Variants in HSD17B7 observed in about 807,000 individuals in gnomAD.
The protein encoded by HSD17B7 is hydroxysteroid 17-beta dehydrogenase 7.
A neutral mutation model predicts 34.1 loss-of-function variants in HSD17B7; 17 were observed. The observed-to-expected ratio is 0.50, with a 90% CI of 0.34 to 0.75. The LOEUF (loss-of-function observed/expected upper bound fraction) is 0.75. HSD17B7 is among the 30% of genes least tolerant of loss of function. The probability of loss-of-function intolerance (pLI) is 0.01; values close to 1 mark genes in which losing one functional copy is unlikely to be tolerated. For synonymous variants in HSD17B7, 122 were observed against 154.6 expected, an observed-to-expected ratio of 0.79 and a Z score of 1.56; for missense variants, 296 against 406.6, an observed-to-expected ratio of 0.73 and a Z score of 2.34.
At chr1:162,805,902 C>T (rs185566264) in intron 8 of HSD17B7, among the ~76,000 whole-genome samples, 1 of 152,304 alleles carries the variant, frequency 6.6e-6, no homozygotes, top group East Asian at 1.9e-4. Flanking sequence ...AGCAGGCTGC[C>T]TTACACATGG....
chr1:162,796,261 A>G (rs568420720), intron 2 of HSD17B7, among the ~76,000 whole-genome samples: 1 of 152,096 alleles, frequency 6.6e-6, no homozygotes, highest in East Asian at 1.9e-4. Flanking sequence ...TTCCTTATTG[A>G]GAGGACAGAG....
At chr1:162,809,029 G>A (rs909838312) in intron 8 of HSD17B7, among the ~76,000 whole-genome samples, 1 of 152,126 alleles carries the variant, frequency 6.6e-6, no homozygotes, top group African/African-American at 2.4e-5. Context: ...GAGAGAGAGG[G>A]CATCCCTGTC....
At chr1:162,797,182 A>G (rs1648640256) in intron 3 of HSD17B7, 1 of 159,870 alleles carries the variant, frequency 6.3e-6, no homozygotes, top group Non-Finnish European at 1.4e-5. Context: ...TTACTTTGTG[A>G]CCCAATACAC....
At chr1:162,808,234 C>A (rs1332508265) in intron 8 of HSD17B7, among the ~76,000 whole-genome samples, 2 of 152,094 alleles carry the variant, frequency 1.3e-5, no homozygotes, top group East Asian at 3.8e-4. Context: ...AATCCTTTCC[C>A]CATTTCTTGT....
intron 8 of HSD17B7, among the ~76,000 whole-genome samples, chr1:162,807,651 T>G (rs1649030532): frequency 6.6e-6 from 1 of 152,204 alleles, no homozygotes; most frequent in African/African-American, 2.4e-5. Flanking sequence ...TCCTGACTTT[T>G]TAATGATCGC....
At chr1:162,795,788 G>C (rs1648580731) in intron 2 of HSD17B7, 1 of 398,040 alleles carries the variant, frequency 2.5e-6, no homozygotes, top group Non-Finnish European at 5.1e-6. Flanking sequence ...TGAGTATCAT[G>C]AGAGCAGGCT....
chr1:162,799,009 A>T lies in HSD17B7; in HGVS notation c.448-734A>T, dbSNP rs1337418145. On this transcript the variant is annotated intron_variant, in intron 4 of 8. Coordinates refer to ENST00000254521, the MANE Select transcript of HSD17B7 (RefSeq NM_016371.4). ...AACTCCGTCTCAAAAAAAAAAAAAA[A>T]AGAGAAAAAGAAAGAAAGTTACTAT... 3 of 180,192 alleles carry T rather than the reference A, an allele frequency of 1.7e-5. No homozygotes were observed. In the Admixed American group the frequency reaches 1.9e-4, roughly 12 times the overall value. 11.2% of individuals were successfully genotyped at this position (180,192 alleles called of 1,614,324 possible). A position where few individuals can be genotyped will look rare whatever the true frequency, so the allele number is the denominator to read the frequency against.
intron 6 of HSD17B7, 151 bp from the exon 7 acceptor site, chr1:162,804,116 T>C (rs574540470): frequency 1.0e-5 from 6 of 571,648 alleles, no homozygotes; most frequent in South Asian, 1.0e-4. Flanking sequence ...GGAGATTAAA[T>C]GATGTTTCTT....
chr1:162,801,276 G>A (rs942632254), intron 5 of HSD17B7, among the ~76,000 whole-genome samples: 1 of 152,158 alleles, frequency 6.6e-6, no homozygotes, highest in Non-Finnish European at 1.5e-5. Flanking sequence ...CCTGAATCAT[G>A]CCTCTTATAA....
chr1:162,795,804 T>A, intron 2 of HSD17B7: 1 of 355,558 alleles, frequency 2.8e-6, no homozygotes, highest in Non-Finnish European at 5.6e-6. Flanking sequence ...AGGCTTTACC[T>A]GCCTTGAACC....
chr1:162,803,816 T>A (rs1050571979), intron 6 of HSD17B7, among the ~76,000 whole-genome samples: 1 of 152,234 alleles, frequency 6.6e-6, no homozygotes, highest in Non-Finnish European at 1.5e-5. Flanking sequence ...AAACCCATGT[T>A]GAACATTGTT....
intron 4 of HSD17B7, 59 bp from the exon 5 acceptor site, chr1:162,799,684 A>G (rs1648739532): frequency 7.0e-7 from 1 of 1,420,430 alleles, no homozygotes; most frequent in Non-Finnish European, 9.7e-7. Flanking sequence ...AGTGGTTTCA[A>G]AATTTTTATC....
At chr1:162,796,485 T>C (rs1302970495) in intron 2 of HSD17B7, 100 bp from the exon 3 acceptor site, 2 of 684,610 alleles carry the variant, frequency 2.9e-6, no homozygotes, top group Admixed American at 2.4e-5. Flanking sequence ...TTGTCTTTCT[T>C]AGGCCTCCTT....
intron 5 of HSD17B7, chr1:162,802,988 C>CT (rs1163245185): frequency 6.5e-6 from 1 of 154,766 alleles, no homozygotes; most frequent in Admixed American, 6.4e-5. Context: ...CAGACACATA[C>CT]TTTAGGTTTA....
chr1:162,811,267 A>G (rs1160085701), intron 8 of HSD17B7, among the ~76,000 whole-genome samples: 1 of 152,218 alleles, frequency 6.6e-6, no homozygotes, highest in East Asian at 1.9e-4. Flanking sequence ...AAGAATGTTG[A>G]ATATCGGCCC....
chr1:162,795,316 A>G (rs113893140), intron 2 of HSD17B7, among the ~76,000 whole-genome samples: 11,171 of 152,302 alleles, frequency 0.073, 439 homozygotes, highest in African/African-American at 0.1. Flanking sequence ...GATGAAAACT[A>G]GTAAGAAATA....
At chr1:162,804,180 A>G (rs1251253290) in intron 6 of HSD17B7, 87 bp from the exon 7 acceptor site, 1 of 877,342 alleles carries the variant, frequency 1.1e-6, no homozygotes, top group East Asian at 2.6e-5. Context: ...TCAGAAAGGC[A>G]GGGTTTTAAA....
chr1:162,807,090 A>C (rs1649004829), intron 8 of HSD17B7, among the ~76,000 whole-genome samples: 1 of 152,194 alleles, frequency 6.6e-6, no homozygotes, highest in South Asian at 2.1e-4. Context: ...CATCATTTAC[A>C]TTAGGTATAT....
intron 2 of HSD17B7, among the ~76,000 whole-genome samples, chr1:162,794,977 C>T (rs184445571): frequency 6.4e-4 from 98 of 152,286 alleles, no homozygotes; most frequent in African/African-American, 2.3e-3. Context: ...GTGAGTTGTC[C>T]CAGGTACCTG....
Sources: gnomAD v4.1 joint callset for allele counts (sites outside exome capture counted in the v4.1 genomes callset) on GRCh38, gnomAD v4.1.1 for gene constraint, MANE v1.5 for transcripts, NCBI Gene and HGNC (gene_info 2026-07-23, HGNC 2026-07-21) for gene names.